The following XCR1 variants were observed in gnomAD, a reference collection of about 807,000 sequenced individuals.
XCR1 encodes the protein chemokine XC receptor 1.
For missense variants in XCR1, 356 were observed against 424.2 expected (o/e 0.84, Z 1.41); for synonymous variants, 187 against 188.5 (o/e 0.99, Z 0.06).
intron 5 of XCR1, among the ~76,000 whole-genome samples, chr3:46,039,101 T>C (rs1011953901): frequency 2.6e-5 from 4 of 151,940 alleles, no homozygotes; most frequent in African/African-American, 9.7e-5. Flanking sequence ...TTGAAGATTT[T>C]TGTGGTGAAA....
At chr3:46,063,975 C>A (rs1224931157) in intron 4 of XCR1, among the ~76,000 whole-genome samples, 1 of 152,142 alleles carries the variant, frequency 6.6e-6, no homozygotes, top group African/African-American at 2.4e-5. Flanking sequence ...CAGGCTTGAG[C>A]AATCCTCCCA....
At chr3:46,032,457 C>T (rs7611334), upstream of XCR1, among the ~76,000 whole-genome samples, 425 of 152,340 alleles carry the variant, frequency 2.8e-3, 1 homozygote, top group Non-Finnish European at 4.0e-3. Context: ...TGCTGGACCC[C>T]ACACTTGCTC....
At chr3:46,022,267 T>A in intron 1 of XCR1, 1 of 242,256 alleles carries the variant, frequency 4.1e-6, no homozygotes, top group Non-Finnish European at 7.9e-6. Context: ...ATCATGCCAC[T>A]GCACTCCAAC....
chr3:46,064,413 G>A (rs1463641367), intron 4 of XCR1, among the ~76,000 whole-genome samples: 2 of 152,156 alleles, frequency 1.3e-5, no homozygotes, highest in East Asian at 1.9e-4. Flanking sequence ...AGCCTTGCAA[G>A]TTTTTCCTAG....
rs547404137 is a variant in XCR1, at chr3:46,047,033, C to T, written c.-32+6887G>A. Among the ~76,000 whole-genome samples, 38 of 116,710 alleles carry T rather than the reference C, an allele frequency of 3.3e-4. No individual in the cohort carries two copies. In the East Asian group the frequency reaches 9.4e-3, roughly 29 times the overall value. 76.6% of individuals were successfully genotyped at this position (116,710 alleles called of 152,430 possible). A position where few individuals can be genotyped will look rare whatever the true frequency, so the allele number is the denominator to read the frequency against. On this transcript the variant is annotated intron_variant, in intron 5 of 5. Transcript: ENST00000683768. ...TGCAAGCTTTGTGCTTTTCCCCTAA[C>T]CATAGAACCGTGGATTTCAACATTG...
chr3:46,050,560 T>C (rs970886002), intron 5 of XCR1, among the ~76,000 whole-genome samples: 7 of 152,204 alleles, frequency 4.6e-5, no homozygotes, highest in African/African-American at 1.7e-4. Context: ...GCCAAAAGAA[T>C]ATCATCCATA....
intron 5 of XCR1, among the ~76,000 whole-genome samples, chr3:46,042,420 T>C (rs1013965983): frequency 6.6e-6 from 1 of 152,044 alleles, no homozygotes; most frequent in Non-Finnish European, 1.5e-5. Context: ...TTTAGCTATA[T>C]TGAGTAAAGA....
chr3:46,051,898 C>T (rs907743939), intron 5 of XCR1, among the ~76,000 whole-genome samples: 12 of 152,018 alleles, frequency 7.9e-5, no homozygotes, highest in African/African-American at 1.9e-4. Context: ...TGGTGGCGGG[C>T]GCCTGTAGTC....
In XCR1 at chr3:46,052,924, G is replaced by A. The variant is rs1201643569; in HGVS notation, c.-32+996C>T. ...CCTCTTAAGGAATTGTGGCCCAGGC[G>A]CATTTAGTGGCCTGTGTGCACTGCT... On this transcript the variant is annotated intron_variant, in intron 5 of 5. Coordinates refer to the XCR1 transcript ENST00000683768. Among the ~76,000 whole-genome samples, 5 of 152,182 alleles carry A rather than the reference G, an allele frequency of 3.3e-5. No homozygotes were observed. The South Asian group carries it at 6.2e-4, about 19-fold the overall frequency.
At chr3:46,072,481 G>T (rs1234954238) in intron 3 of XCR1, among the ~76,000 whole-genome samples, 3 of 152,164 alleles carry the variant, frequency 2.0e-5, no homozygotes, top group African/African-American at 7.2e-5. Flanking sequence ...TCCAGCTTGG[G>T]TGGCTGAGAG....
upstream of XCR1, among the ~76,000 whole-genome samples, chr3:46,031,356 C>G (rs1385239457): frequency 6.6e-6 from 1 of 152,226 alleles, no homozygotes; most frequent in African/African-American, 2.4e-5. Context: ...ACTGTCACTG[C>G]CTGCTCTGAT....
chr3:46,023,615 A>G, intron 1 of XCR1: 1 of 1,353,308 alleles, frequency 7.4e-7, no homozygotes, highest in East Asian at 2.3e-5. Flanking sequence ...CTCTCTGCCG[A>G]GGATGCGGAG....
intron 1 of XCR1, among the ~76,000 whole-genome samples, chr3:46,024,366 G>A (rs545131826): frequency 6.6e-6 from 1 of 152,312 alleles, no homozygotes; most frequent in East Asian, 1.9e-4. Context: ...CTCATTCACT[G>A]ACTTGAGCTA....
At chr3:46,064,165 G>T (rs1386987355) in intron 4 of XCR1, among the ~76,000 whole-genome samples, 1 of 152,134 alleles carries the variant, frequency 6.6e-6, no homozygotes, top group Admixed American at 6.5e-5. Flanking sequence ...AAGCCAATGT[G>T]TCTGGCCCCT....
chr3:46,046,451 C>A (rs1333415233), intron 5 of XCR1, among the ~76,000 whole-genome samples: 1 of 152,218 alleles, frequency 6.6e-6, no homozygotes, highest in Non-Finnish European at 1.5e-5. Flanking sequence ...CTTCAGCAAA[C>A]CATCTGGCAG....
chr3:46,026,421 A>G (rs369492254), intron 1 of XCR1, among the ~76,000 whole-genome samples: 14 of 152,156 alleles, frequency 9.2e-5, no homozygotes, highest in African/African-American at 2.9e-4. Flanking sequence ...TATAATTTAG[A>G]TTGAGAAAGA....
chr3:46,026,346 C>T (rs1029142049), intron 1 of XCR1, among the ~76,000 whole-genome samples: 1 of 152,074 alleles, frequency 6.6e-6, no homozygotes, highest in African/African-American at 2.4e-5. Context: ...GGTTGTCTCT[C>T]TCCCTCCCCA....
intron 3 of XCR1, among the ~76,000 whole-genome samples, chr3:46,073,433 A>G (rs2125903206): frequency 6.6e-6 from 1 of 152,176 alleles, no homozygotes; most frequent in Middle Eastern, 3.4e-3. Context: ...CATCTCTACT[A>G]AAATATTAGC....
intron 1 of XCR1, among the ~76,000 whole-genome samples, chr3:46,022,945 G>T (rs867850075): frequency 6.6e-6 from 1 of 152,010 alleles, no homozygotes; most frequent in African/African-American, 2.4e-5. Context: ...CTGTTCCCAA[G>T]GAAATAAAGG....
Sources: gnomAD v4.1 joint callset for allele counts (sites outside exome capture counted in the v4.1 genomes callset) on GRCh38, gnomAD v4.1.1 for gene constraint, MANE v1.5 for transcripts, NCBI Gene and HGNC (gene_info 2026-07-23, HGNC 2026-07-21) for gene names.